STK32B: variants seen among roughly 807,000 people sequenced by gnomAD.
STK32B encodes serine/threonine-protein kinase 32B.
A neutral mutation model predicts 52.6 loss-of-function variants in STK32B; 43 were observed. The observed-to-expected ratio is 0.82, with a 90% CI of 0.64 to 1.05. The LOEUF (loss-of-function observed/expected upper bound fraction) is 1.05, where lower values mean the gene tolerates loss of function less well. STK32B is among the 50% of genes least tolerant of loss of function. The pLI, the probability that STK32B is intolerant of heterozygous loss-of-function variation, is 0.00. For missense variants in STK32B, 621 were observed against 534.6 expected, an observed-to-expected ratio of 1.16 and a Z score of -1.59; for synonymous variants, 238 against 204.3, an observed-to-expected ratio of 1.17 and a Z score of -1.41.
At chr4:5,493,263 T>A (rs1366803189) in intron 11 of STK32B, among the ~76,000 whole-genome samples, 1 of 152,180 alleles carries the variant, frequency 6.6e-6, no homozygotes, top group African/African-American at 2.4e-5. Context: ...CAGAGCCTGT[T>A]ATTGGTCTAT....
At chr4:5,489,243 A>T (rs1719482226) in intron 11 of STK32B, among the ~76,000 whole-genome samples, 2 of 152,180 alleles carry the variant, frequency 1.3e-5, no homozygotes. Flanking sequence ...TACCTAAATT[A>T]CCTATGAGAA....
intron 1 of STK32B, among the ~76,000 whole-genome samples, chr4:5,094,833 T>C (rs1713292246): frequency 6.6e-6 from 1 of 152,100 alleles, no homozygotes; most frequent in Non-Finnish European, 1.5e-5. Context: ...ACTCCCACAT[T>C]GTTCTCAAGG....
chr4:5,146,407 G>T (rs1320743483), intron 2 of STK32B, among the ~76,000 whole-genome samples: 2 of 152,324 alleles, frequency 1.3e-5, no homozygotes, highest in East Asian at 3.9e-4. Context: ...GTCTGATGTT[G>T]TAGGGCAGAA....
chr4:5,371,034 G>GTA (rs1417481697), intron 4 of STK32B, among the ~76,000 whole-genome samples: 35 of 150,142 alleles, frequency 2.3e-4, no homozygotes, highest in Admixed American at 8.0e-4. Flanking sequence ...GTATATATAT[G>GTA]TATATATATG....
At chr4:5,038,383 G>T in the STK32B span, among the ~76,000 whole-genome samples, 1 of 152,162 alleles carries the variant, frequency 6.6e-6, no homozygotes, top group Non-Finnish European at 1.5e-5. Context: ...TTAATGACGG[G>T]GATACATTCT....
chr4:5,074,188 A>ATGTGTGTGTGTGTGTGTG (rs34284353), intron 1 of STK32B, among the ~76,000 whole-genome samples: 1 of 148,800 alleles, frequency 6.7e-6, no homozygotes, highest in African/African-American at 2.5e-5. Flanking sequence ...AAATATATAT[A>ATGTGTGTGTGTGTGTGTG]TGTGTGTGTG....
intron 4 of STK32B, among the ~76,000 whole-genome samples, chr4:5,364,110 G>A (rs1238362994): frequency 6.6e-6 from 1 of 151,816 alleles, no homozygotes; most frequent in East Asian, 1.9e-4. Flanking sequence ...CTGTCCACAG[G>A]ACAAAGTCTT....
At chr4:5,190,483 C>T (rs1420149132) in intron 3 of STK32B, among the ~76,000 whole-genome samples, 1 of 152,074 alleles carries the variant, frequency 6.6e-6, no homozygotes, top group Non-Finnish European at 1.5e-5. Flanking sequence ...TGCCAGGACA[C>T]CACACTGCAT....
rs994111517 is a variant in STK32B at position 5,460,655 on chromosome 4, C to G, written c.909+427C>G. Among the ~76,000 whole-genome samples, 3 of 152,140 alleles carry G rather than the reference C, an allele frequency of 2.0e-5. No homozygotes were observed. Among genetic ancestry groups the G allele is most frequent in the African/African-American group, 7.2e-5 (3 of 41,442 alleles). ...ATGGGAGGGGCAGAGGCAGGGGCTT[C>G]TTTTAGGAAGGGTCGGCAGAGACCT... On this transcript the variant is annotated intron_variant, in intron 9 of 11. Coordinates refer to ENST00000282908, the MANE Select transcript of STK32B (RefSeq NM_018401.3). This position sits in a 1 kb window ranked among gnomAD's most constrained non-coding sequence, Gnocchi z 4.8.
At chr4:5,416,038 TAGAG>T (rs1281667164) in intron 5 of STK32B, among the ~76,000 whole-genome samples, 2 of 152,174 alleles carry the variant, frequency 1.3e-5, no homozygotes, top group African/African-American at 2.4e-5. Context: ...GACAGACAAA[TAGAG>T]AGAAATGTAA....
chr4:5,102,152 G>A (rs1713821495), intron 1 of STK32B, among the ~76,000 whole-genome samples: 1 of 152,252 alleles, frequency 6.6e-6, no homozygotes, highest in Non-Finnish European at 1.5e-5. Flanking sequence ...CTCTGACCTC[G>A]GGCAAGTTAC....
chr4:5,290,300 ACT>A (rs1728812532), intron 3 of STK32B, among the ~76,000 whole-genome samples: 1 of 150,144 alleles, frequency 6.7e-6, no homozygotes, highest in Non-Finnish European at 1.5e-5. Context: ...AAATTTTTTG[ACT>A]CTTTTGTAAT....
chr4:5,329,512 C>G (rs545744527), intron 3 of STK32B, among the ~76,000 whole-genome samples: 1 of 152,194 alleles, frequency 6.6e-6, no homozygotes, highest in African/African-American at 2.4e-5. Flanking sequence ...CCACCTTCAC[C>G]TGCTAGAGCA....
intron 9 of STK32B, among the ~76,000 whole-genome samples, chr4:5,461,251 C>T (rs1717003610): frequency 1.3e-5 from 2 of 152,156 alleles, no homozygotes; most frequent in South Asian, 2.1e-4. Flanking sequence ...AGGAAAGAGA[C>T]AACATTTGCT....
At chr4:5,190,872 G>A (rs1404247380) in intron 3 of STK32B, among the ~76,000 whole-genome samples, 3 of 152,126 alleles carry the variant, frequency 2.0e-5, no homozygotes, top group Non-Finnish European at 4.4e-5. Flanking sequence ...GCTCAGAGAA[G>A]CTAAGTGATT....
Position 5,499,204 on chromosome 4 carries a change from C to T in STK32B, c.*121C>T. On this transcript the variant is annotated 3_prime_UTR_variant, in exon 12 of 12. Transcript: ENST00000282908. ...GAAAACATCAGATGCAGAAAAAGCCCTGGACTTGGAGCTGGGAAGCCTGGG... is the reference window on the plus strand; with the variant it reads ...GAAAACATCAGATGCAGAAAAAGCCTTGGACTTGGAGCTGGGAAGCCTGGG... 7.4e-7 allele frequency: 1 copy of T among 1,356,378 alleles called. No homozygotes were observed. Among genetic ancestry groups the T allele is most frequent in the South Asian group, 1.7e-5 (1 of 58,842 alleles). 84.0% of individuals were successfully genotyped at this position (1,356,378 alleles called of 1,614,324 possible).
chr4:5,499,053 CCA>C lies in STK32B; in HGVS notation c.1219_1220del (p.Thr407LeufsTer65). On this transcript the variant is annotated frameshift_variant, in exon 12 of 12. Transcript: ENST00000282908. LOFTEE classifies it high-confidence loss of function. ...ACGGGTGCAACAACAACCTCCTCAC[CCA>C]CACCTGCACCCGTGGCTGCAGCAGC... ...QDGCNNNLLT[H>X]TCTRGCSS 6.2e-7 allele frequency: 1 copy of C among 1,613,510 alleles called. No homozygotes were observed. The highest frequency in any genetic ancestry group is 8.5e-7 in the Non-Finnish European group (1 of 1,179,664).
chr4:5,258,135 T>C (rs146795193), intron 3 of STK32B, among the ~76,000 whole-genome samples: 2 of 152,276 alleles, frequency 1.3e-5, no homozygotes, highest in East Asian at 3.9e-4. Flanking sequence ...ACCTAGCGGA[T>C]AGTCAGGGAC....
intron 6 of STK32B, among the ~76,000 whole-genome samples, chr4:5,442,249 G>T (rs1414988763): frequency 6.8e-6 from 1 of 147,732 alleles, no homozygotes; most frequent in Non-Finnish European, 1.5e-5. Flanking sequence ...AAGTCTCTTT[G>T]TAGGTCACTC....
Sources: allele counts gnomAD v4.1 joint callset (sites outside exome capture counted in the v4.1 genomes callset), GRCh38; gene constraint gnomAD v4.1.1; non-coding constraint Gnocchi (gnomAD v3.1); transcripts MANE v1.5; gene names NCBI Gene and HGNC (gene_info 2026-07-23, HGNC 2026-07-21).